The following ATL2 variants were observed in gnomAD, a reference collection of about 807,000 sequenced individuals.
ATL2 encodes the protein atlastin GTPase 2, also known as atlastin-2.
ATL2 carries 31 observed loss-of-function variants against 73.9 expected under a neutral mutation model. The ratio of observed to expected loss-of-function variants is 0.42; its 90% CI spans 0.32 to 0.57. The LOEUF is 0.57. ATL2 is among the 20% of genes least tolerant of loss of function. ATL2 has a pLI of 0.14. For synonymous variants in ATL2, 291 were observed against 237.5 expected (o/e 1.23, Z -2.07); for missense variants, 738 against 702.6 (o/e 1.05, Z -0.57).
chr2:38,342,459 G>A (rs1669779576), intron 2 of ATL2, among the ~76,000 whole-genome samples: 1 of 151,940 alleles, frequency 6.6e-6, no homozygotes. Flanking sequence ...AATATTTGAG[G>A]AAAAAACATG....
intron 9 of ATL2, among the ~76,000 whole-genome samples, chr2:38,301,493 A>T (rs1484145879): frequency 2.0e-5 from 3 of 152,254 alleles, no homozygotes; most frequent in Non-Finnish European, 4.4e-5. Context: ...TGTGAAAAAC[A>T]GTCTTGAATC....
chr2:38,299,500 G>T (rs1016698639), intron 10 of ATL2, among the ~76,000 whole-genome samples, 173 bp from the exon 11 acceptor site: 1 of 152,186 alleles, frequency 6.6e-6, no homozygotes, highest in Non-Finnish European at 1.5e-5. Context: ...ATAATGGTAA[G>T]TGGTTCTAAT....
At chr2:38,365,024 A>G (rs1671230719) in intron 1 of ATL2, among the ~76,000 whole-genome samples, 1 of 150,708 alleles carries the variant, frequency 6.6e-6, no homozygotes, top group Admixed American at 6.6e-5. Flanking sequence ...AGCCTGGGGT[A>G]CAGAGCGAGA....
intron 1 of ATL2, among the ~76,000 whole-genome samples, chr2:38,373,987 G>A (rs903369540): frequency 3.3e-5 from 5 of 152,134 alleles, no homozygotes; most frequent in African/African-American, 1.2e-4. Flanking sequence ...CACCTCCCAG[G>A]TTCAAGCGAT....
At chr2:38,321,734 A>G (rs751168838) in intron 2 of ATL2, among the ~76,000 whole-genome samples, 6 of 151,706 alleles carry the variant, frequency 4.0e-5, no homozygotes, top group Non-Finnish European at 7.4e-5. Flanking sequence ...TTTTTTTGAG[A>G]CAGGGTCTCA....
rs537898117 is a variant in ATL2, at chr2:38,356,767, G to A, written c.119-13255C>T. 6.0e-4 allele frequency among the ~76,000 whole-genome samples: 92 copies of A among 152,260 alleles called. 1 individual carries two copies. The highest frequency in any genetic ancestry group is 2.2e-3 in the African/African-American group (91 of 41,538). On this transcript the variant is annotated intron_variant, in intron 1 of 12. Coordinates refer to ENST00000378954, the MANE Select transcript of ATL2 (RefSeq NM_001135673.4). ...ATAAAACTGAAAATTAAGTTCTTCA[G>A]TCACACCATTCAAACTGCTTTAATA...
Position 38,343,340 on chromosome 2 carries a change from T to C in ATL2, c.291A>G (p.Val97=), listed in dbSNP as rs757624790. 6 of 1,611,690 alleles carry C rather than the reference T, an allele frequency of 3.7e-6. No homozygotes were observed. The highest frequency in any genetic ancestry group is 2.2e-5 in the East Asian group (1 of 44,832). The change falls in exon 2 of 13, where the codon GTA becomes GTG. Residue 97 remains valine (V), a synonymous_variant. Coordinates refer to ENST00000378954, the MANE Select transcript of ATL2 (RefSeq NM_001135673.4). ...EHIRDLNIVV[V]SVAGAFRKGK... ...CTTTACGAAAAGCTCCTGCCACAGA[T>C]ACCACTACTATGTTAAGATCTCGTA... is the stretch of plus-strand genomic sequence containing the variant.
intron 2 of ATL2, among the ~76,000 whole-genome samples, chr2:38,328,017 G>C (rs1363720375): frequency 1.3e-5 from 2 of 152,116 alleles, no homozygotes; most frequent in African/African-American, 4.8e-5. Context: ...ACTTTACAAA[G>C]ACAGACACAG....
At chr2:38,314,525 C>A in intron 6 of ATL2, 83 bp downstream of exon 6, 1 of 922,410 alleles carries the variant, frequency 1.1e-6, no homozygotes. Context: ...TTGTAATATC[C>A]TGGTGTCTCC....
chr2:38,333,354 G>A (rs1438226037), intron 2 of ATL2, among the ~76,000 whole-genome samples: 1 of 152,150 alleles, frequency 6.6e-6, no homozygotes, highest in Non-Finnish European at 1.5e-5. Flanking sequence ...CTGGCAGAGT[G>A]AGGGAAGGAG....
rs796612539 is a variant in ATL2 at position 38,294,650 on chromosome 2, AAAAG to A, written c.*1340_*1343del. On this transcript the variant is annotated 3_prime_UTR_variant, in exon 13 of 13. Transcript: ENST00000378954. ...CCTTACATATACCACCAAAAAAAAAAAAAGAGAGAGAAAGAAATTAACAATCCCC... is the reference window on the plus strand; with the variant it reads ...CCTTACATATACCACCAAAAAAAAAAAGAGAGAAAGAAATTAACAATCCCC... Among the ~76,000 whole-genome samples, 181 of 152,172 alleles carry A rather than the reference AAAAG, an allele frequency of 1.2e-3. 2 individuals are homozygous for A. Among genetic ancestry groups the A allele is most frequent in the African/African-American group, 4.1e-3 (169 of 41,504 alleles).
chr2:38,343,466 C>A lies in ATL2; in HGVS notation c.165G>T (p.Met55Ile). The stretch of plus-strand genomic sequence containing the variant: ...CAATCTGTACTGGACATGGTTTCTT[C>A]ATAACCTCATCAGAATTTACTAGGT... ...DDDLVNSDEV[M>I]KKPCPVQIVL... The change falls in exon 2 of 13, where the codon ATG becomes ATT. Residue 55 changes from methionine to isoleucine, a missense_variant. Coordinates refer to ENST00000378954, the MANE Select transcript of ATL2 (RefSeq NM_001135673.4). The A allele has an allele frequency of 6.2e-7, 1 of 1,610,114 alleles. No homozygotes were observed. Among genetic ancestry groups the A allele is most frequent in the Non-Finnish European group, 8.5e-7 (1 of 1,177,648 alleles).
intron 2 of ATL2, among the ~76,000 whole-genome samples, chr2:38,333,661 G>C (rs1217416701): frequency 6.6e-6 from 1 of 152,172 alleles, no homozygotes. Context: ...TGTGATGATA[G>C]GGGTGCCATA....
At chr2:38,297,287 T>C (rs909922791) in intron 12 of ATL2, among the ~76,000 whole-genome samples, 1 of 152,176 alleles carries the variant, frequency 6.6e-6, no homozygotes, top group Admixed American at 6.5e-5. Context: ...ATATCCTAGA[T>C]CTTCAAAATA....
At chr2:38,344,549 G>A (rs1669911959) in intron 1 of ATL2, among the ~76,000 whole-genome samples, 1 of 152,308 alleles carries the variant, frequency 6.6e-6, no homozygotes, top group Non-Finnish European at 1.5e-5. Flanking sequence ...GGCAGAGGTT[G>A]CAGTGAGCTG....
Position 38,298,553 on chromosome 2 carries a change from T to C in ATL2, c.1223A>G (p.Tyr408Cys), listed in dbSNP as rs759544075. The change falls in exon 12 of 13, where the codon TAC becomes TGC. Residue 408 changes from tyrosine to cysteine, a missense_variant. Physicochemically the swap from Tyr to Cys is radical, Grantham distance 194 (BLOSUM62 -2). Coordinates refer to ENST00000378954, the MANE Select transcript of ATL2 (RefSeq NM_001135673.4). Reference sequence around the variant, plus strand: ...TCGCTCCAGATCTGAAGGTGCAATGTAAGGCTTGTCCCCTCCACATACCTG... The same window carrying C: ...TCGCTCCAGATCTGAAGGTGCAATGCAAGGCTTGTCCCCTCCACATACCTG... Reference protein sequence around the residue: ...MEQVCGGDKPYIAPSDLERKH... With the variant: ...MEQVCGGDKPCIAPSDLERKH... 1 of 1,614,136 alleles carries C rather than the reference T, an allele frequency of 6.2e-7. No homozygotes were observed. Among genetic ancestry groups the C allele is most frequent in the South Asian group, 1.1e-5 (1 of 91,076 alleles).
chr2:38,314,975 G>T (rs1337024026), intron 5 of ATL2, among the ~76,000 whole-genome samples: 1 of 152,238 alleles, frequency 6.6e-6, no homozygotes, highest in East Asian at 1.9e-4. Flanking sequence ...TCGCAGACGG[G>T]CGCAGCGGCT....
At chr2:38,356,485 G>A (rs545285800) in intron 1 of ATL2, among the ~76,000 whole-genome samples, 8 of 152,156 alleles carry the variant, frequency 5.3e-5, no homozygotes, top group East Asian at 3.9e-4. Context: ...GAGCCACCAC[G>A]CCTGGCCCAT....
At chr2:38,301,035 A>G (rs1309802275) in intron 9 of ATL2, among the ~76,000 whole-genome samples, 2 of 150,716 alleles carry the variant, frequency 1.3e-5, no homozygotes, top group South Asian at 2.1e-4. Flanking sequence ...CAACGGCACG[A>G]CCTCAGCTCA....
Sources: allele counts gnomAD v4.1 joint callset (sites outside exome capture counted in the v4.1 genomes callset), GRCh38; gene constraint gnomAD v4.1.1; transcripts MANE v1.5; gene names NCBI Gene and HGNC (gene_info 2026-07-23, HGNC 2026-07-21).